CIMAP3: variants seen among roughly 807,000 people sequenced by gnomAD.
The protein encoded by CIMAP3 is ciliary microtubule-associated protein 3.
At chr1:111,343,272 T>C in the CIMAP3 span, among the ~76,000 whole-genome samples, 1,202 of 152,270 alleles carry the variant, frequency 7.9e-3, 16 homozygotes, top group African/African-American at 0.027. Flanking sequence ...ATTTAAAACA[T>C]TATACAAAAA....
the CIMAP3 span, among the ~76,000 whole-genome samples, chr1:111,348,089 T>C: frequency 6.6e-6 from 1 of 152,202 alleles, no homozygotes; most frequent in Non-Finnish European, 1.5e-5. Flanking sequence ...GTCTTGTCAG[T>C]TAAATAACAA....
the CIMAP3 span, among the ~76,000 whole-genome samples, chr1:111,333,217 G>A: frequency 1.3e-5 from 2 of 152,192 alleles, no homozygotes; most frequent in African/African-American, 4.8e-5. Context: ...TGAAAGCAGT[G>A]GGAATTGGTT....
the CIMAP3 span, chr1:111,347,830 C>T: frequency 5.9e-5 from 75 of 1,271,696 alleles, 1 homozygote; most frequent in Middle Eastern, 5.6e-4. Context: ...CACAGGAGTG[C>T]AAAGGGCAGA....
chr1:111,350,125 GAGA>G, the CIMAP3 span: 5 of 1,613,796 alleles, frequency 3.1e-6, no homozygotes, highest in Non-Finnish European at 4.2e-6. Context: ...ATACAACCCA[GAGA>G]AGAAGCCACC....
At chr1:111,351,347 C>T in the CIMAP3 span, 41 of 1,537,798 alleles carry the variant, frequency 2.7e-5, no homozygotes, top group Non-Finnish European at 3.0e-5. Flanking sequence ...ACTACCTTCA[C>T]GTGCTCCTCT....
At chr1:111,345,406 G>T in the CIMAP3 span, among the ~76,000 whole-genome samples, 3 of 151,934 alleles carry the variant, frequency 2.0e-5, no homozygotes, top group African/African-American at 7.3e-5. Flanking sequence ...TATTTTTGTA[G>T]AGTCCAACAG....
the CIMAP3 span, among the ~76,000 whole-genome samples, chr1:111,338,623 C>T: frequency 2.0e-5 from 3 of 152,084 alleles, no homozygotes; most frequent in Non-Finnish European, 4.4e-5. Flanking sequence ...ATAAATTCCT[C>T]GACACATACA....
the CIMAP3 span, chr1:111,351,408 G>A: frequency 3.7e-5 from 46 of 1,234,750 alleles, no homozygotes; most frequent in Admixed American, 8.0e-5. Context: ...CTTCTTCTAC[G>A]TTACTGTGGC....
the CIMAP3 span, among the ~76,000 whole-genome samples, chr1:111,338,109 C>T: frequency 8.0e-5 from 12 of 149,676 alleles, no homozygotes; most frequent in East Asian, 1.9e-4. Context: ...GGGTACATAA[C>T]GAAATGAAGG....
chr1:111,328,024 C>G, the CIMAP3 span, among the ~76,000 whole-genome samples: 7 of 152,108 alleles, frequency 4.6e-5, no homozygotes, highest in Non-Finnish European at 8.8e-5. Flanking sequence ...TTAGCTGGGT[C>G]CCAGAGATTC....
chr1:111,348,332 GC>G, the CIMAP3 span: 2 of 536,616 alleles, frequency 3.7e-6, no homozygotes, highest in Non-Finnish European at 3.2e-6. Context: ...TCACTAGGTA[GC>G]TGAACCACAC....
At chr1:111,349,971 G>A in the CIMAP3 span, 1 of 644,904 alleles carries the variant, frequency 1.6e-6, no homozygotes, top group Non-Finnish European at 2.7e-6. Context: ...GGAATCCCAT[G>A]CTTAATTAAA....
At chr1:111,343,887 T>C in the CIMAP3 span, among the ~76,000 whole-genome samples, 3 of 152,244 alleles carry the variant, frequency 2.0e-5, no homozygotes, top group African/African-American at 7.2e-5. Flanking sequence ...TCTTTTTCTT[T>C]TAGGCTCTTA....
At chr1:111,351,429 G>C in the CIMAP3 span, 1 of 1,060,416 alleles carries the variant, frequency 9.4e-7, no homozygotes, top group Non-Finnish European at 1.3e-6. Context: ...CCTCTTGTCT[G>C]GCAGCCTGGA....
chr1:111,327,564 T>C, the CIMAP3 span, among the ~76,000 whole-genome samples: 1 of 152,170 alleles, frequency 6.6e-6, no homozygotes, highest in Admixed American at 6.5e-5. Flanking sequence ...AGGGAATTAA[T>C]TTCTTCCTGG....
At chr1:111,338,788 G>A in the CIMAP3 span, among the ~76,000 whole-genome samples, 3 of 151,984 alleles carry the variant, frequency 2.0e-5, no homozygotes, top group Non-Finnish European at 1.5e-5. Context: ...AGGAGGAACT[G>A]GTACCATTCC....
At chr1:111,351,280 A>G in the CIMAP3 span, 2 of 1,601,774 alleles carry the variant, frequency 1.2e-6, no homozygotes, top group Non-Finnish European at 1.7e-6. Context: ...CAAAGACTTT[A>G]GAAAGCATCG....
the CIMAP3 span, chr1:111,351,531 C>T: frequency 5.5e-5 from 22 of 398,676 alleles, no homozygotes; most frequent in Non-Finnish European, 7.1e-5. Flanking sequence ...GTGGTGTACA[C>T]GTGCATGTCT....
the CIMAP3 span, among the ~76,000 whole-genome samples, chr1:111,337,188 T>C: frequency 4.5e-3 from 681 of 151,232 alleles, 6 homozygotes; most frequent in African/African-American, 0.016. Flanking sequence ...AAAAGAGCTC[T>C]TGAAGGAAGC....
Sources: gnomAD v4.1 joint callset for allele counts (sites outside exome capture counted in the v4.1 genomes callset) on GRCh38, gnomAD v4.1.1 for gene constraint, MANE v1.5 for transcripts, NCBI Gene and HGNC (gene_info 2026-07-23, HGNC 2026-07-21) for gene names.